The following ATR variants were observed in gnomAD, a reference collection of about 807,000 sequenced individuals.
ATR encodes serine/threonine-protein kinase ATR.
A neutral mutation model predicts 305.3 loss-of-function variants in ATR; 142 were observed. The observed-to-expected ratio is 0.47, with a 90% CI of 0.41 to 0.53. The LOEUF is 0.53. Ranked by LOEUF, ATR falls within the 20% of genes least tolerant of loss-of-function variation. The probability of loss-of-function intolerance (pLI) is 0.00; values close to 1 mark genes in which losing one functional copy is unlikely to be tolerated. For missense variants in ATR, 2,135 were observed against 3,133.1 expected (o/e 0.68, Z 7.60); for synonymous variants, 1,050 against 1,068.1 (o/e 0.98, Z 0.33).
chr3:142,565,358 C>T (rs1017653771), intron 3 of ATR, among the ~76,000 whole-genome samples: 2 of 151,950 alleles, frequency 1.3e-5, no homozygotes, highest in African/African-American at 2.4e-5. Flanking sequence ...ATACTTTATC[C>T]ATTATACAAA....
chr3:142,553,870 C>G lies in ATR; in HGVS notation c.2487G>C (p.Lys829Asn), dbSNP rs1387074605. 1 of 1,613,480 alleles carries G rather than the reference C, an allele frequency of 6.2e-7. No individual in the cohort carries two copies. The highest frequency in any genetic ancestry group is 8.5e-7 in the Non-Finnish European group (1 of 1,179,648). The change falls in exon 11 of 47, where the codon AAG (lysine) becomes AAC (asparagine). Residue 829 changes from lysine to asparagine, a missense_variant. Lys to Asn is a moderately conservative substitution (Grantham distance 94). Around this residue, in one of 9 missense-constraint regions of ATR, gnomAD observed 530 missense variants for 766.8 expected, o/e 0.69. Transcript: ENST00000350721. ...CAGAGTCCAAGGATTCCAATATGTG[C>G]TTGATATTTCCACTAAAAGCCACTC... Reference protein sequence around the residue: ...DVRVAFSGNIKHILESLDSED... With the variant: ...DVRVAFSGNINHILESLDSED...
At chr3:142,491,688 ATCT>A (rs1344317434) in intron 35 of ATR, among the ~76,000 whole-genome samples, 4 of 152,230 alleles carry the variant, frequency 2.6e-5, no homozygotes, top group Non-Finnish European at 5.9e-5. Context: ...GTGGCATGAC[ATCT>A]TCTTGTAACC....
At chr3:142,573,000 G>T (rs2035323972) in intron 1 of ATR, among the ~76,000 whole-genome samples, 1 of 152,150 alleles carries the variant, frequency 6.6e-6, no homozygotes, top group Non-Finnish European at 1.5e-5. Flanking sequence ...ATTTCTCTCT[G>T]CATGTCCTAA....
chr3:142,512,610 C>A, intron 26 of ATR, 140 bp from the exon 27 acceptor site: 1 of 676,548 alleles, frequency 1.5e-6, no homozygotes, highest in Non-Finnish European at 2.2e-6. Context: ...CCTGTAATCC[C>A]AGCACTTTGG....
intron 21 of ATR, among the ~76,000 whole-genome samples, chr3:142,525,523 T>A (rs1473316762): frequency 1.3e-5 from 2 of 152,114 alleles, no homozygotes; most frequent in Non-Finnish European, 2.9e-5. Context: ...ACCTACCCAA[T>A]AATAAGGGAT....
chr3:142,485,911 T>C (rs1204930162), intron 35 of ATR, among the ~76,000 whole-genome samples: 1 of 152,206 alleles, frequency 6.6e-6, no homozygotes, highest in Non-Finnish European at 1.5e-5. Flanking sequence ...GCTCCTTAAA[T>C]CCAAGAGATA....
chr3:142,551,299 C>T (rs144854887), intron 13 of ATR, among the ~76,000 whole-genome samples: 1 of 152,070 alleles, frequency 6.6e-6, no homozygotes, highest in Non-Finnish European at 1.5e-5. Flanking sequence ...TGGTGGTGCA[C>T]ACCTGTAGTC....
intron 35 of ATR, among the ~76,000 whole-genome samples, chr3:142,491,788 T>C (rs1282472637): frequency 6.6e-6 from 1 of 152,228 alleles, no homozygotes; most frequent in Non-Finnish European, 1.5e-5. Flanking sequence ...TGCCATTTGC[T>C]TTGGCTGTTG....
chr3:142,468,377 G>A (rs2071179850), intron 38 of ATR, among the ~76,000 whole-genome samples: 1 of 151,762 alleles, frequency 6.6e-6, no homozygotes, highest in South Asian at 2.1e-4. Context: ...TAACTAAACA[G>A]TTAAATAAGT....
In ATR at chr3:142,482,833, TA is replaced by T. The variant is rs75409897; in HGVS notation, c.6221+2306del. ...AGTGACAGAGTGATACTTTGTCAAT[TA>T]AAAAAAAAAAAAAAGAAGAACTGCC... On this transcript the variant is annotated intron_variant, in intron 36 of 46. Transcript: ENST00000350721. Among the ~76,000 whole-genome samples, 1,048 of 136,778 alleles carry T rather than the reference TA, an allele frequency of 7.7e-3. 1 individual carries two copies. The highest frequency in any genetic ancestry group is 9.0e-3 in the African/African-American group (337 of 37,288). 89.7% of individuals were successfully genotyped at this position (136,778 alleles called of 152,430 possible).
At chr3:142,490,387 T>C (rs1475632513) in intron 35 of ATR, among the ~76,000 whole-genome samples, 1 of 152,178 alleles carries the variant, frequency 6.6e-6, no homozygotes, top group African/African-American at 2.4e-5. Context: ...TACTAAGTTG[T>C]AGGGTTCTCT....
At chr3:142,533,647 A>G (rs997855131) in intron 21 of ATR, among the ~76,000 whole-genome samples, 1 of 152,190 alleles carries the variant, frequency 6.6e-6, no homozygotes, top group Admixed American at 6.5e-5. Flanking sequence ...TGGATCTTCC[A>G]ATCTTCCTTG....
At position 142,553,744 on chromosome 3, in the gene ATR, G is replaced by A. The variant is rs781441873; in HGVS notation, c.2533-4C>T. 6.2e-7 allele frequency: 1 copy of A among 1,611,440 alleles called. No homozygotes were observed. The highest frequency in any genetic ancestry group is 1.3e-5 in the African/African-American group (1 of 74,856). On this transcript the variant is annotated splice_region_variant and splice_polypyrimidine_tract_variant and intron_variant, in intron 11 of 46. Coordinates refer to ENST00000350721, the MANE Select transcript of ATR (RefSeq NM_001184.4). Reference sequence around the variant, plus strand: ...CCTTCATTCTTAAGACAAAAAGCTAGAACAATAAAATTAACTGGTTAAAGA... The same window carrying A: ...CCTTCATTCTTAAGACAAAAAGCTAAAACAATAAAATTAACTGGTTAAAGA...
At position 142,577,317 on chromosome 3, in the gene ATR, G is replaced by C. The variant is rs564946588; in HGVS notation, c.59+1329C>G. ...TCACGGAGGAAGACAGAAGAGGGAAGAGAAGTATTAACCAGTTAATTCTAC... is the reference window on the plus strand; with the variant it reads ...TCACGGAGGAAGACAGAAGAGGGAACAGAAGTATTAACCAGTTAATTCTAC... On this transcript the variant is annotated intron_variant, in intron 1 of 46. Transcript: ENST00000350721. Among the ~76,000 whole-genome samples the C allele has an allele frequency of 6.2e-4, 95 of 152,314 alleles. 1 individual carries two copies. In the South Asian group the frequency reaches 9.5e-3, roughly 15 times the overall value.
intron 16 of ATR, among the ~76,000 whole-genome samples, chr3:142,545,592 TG>T (rs1224608196): frequency 6.6e-6 from 1 of 152,096 alleles, no homozygotes; most frequent in Non-Finnish European, 1.5e-5. Flanking sequence ...GATATGAGTT[TG>T]TAAAAAGAGC....
intron 4 of ATR, 47 bp downstream of exon 4, chr3:142,562,185 T>C: frequency 1.3e-6 from 2 of 1,594,422 alleles, no homozygotes; most frequent in Non-Finnish European, 1.7e-6. Context: ...TACAATTAAA[T>C]GATGAACAAA....
Position 142,550,306 on chromosome 3 carries a change from G to A in ATR, c.2806-4C>T, listed in dbSNP as rs774760806. 1.5e-5 allele frequency: 24 copies of A among 1,613,612 alleles called. No homozygotes were observed. The highest frequency in any genetic ancestry group is 2.0e-5 in the Non-Finnish European group (24 of 1,179,688). ...AGTGAAGGGATTCTACCAAAAACTA[G>A]AGCAAAAACCATTTTATTGTGAGTT... On this transcript the variant is annotated splice_region_variant and splice_polypyrimidine_tract_variant and intron_variant, in intron 13 of 46. Transcript: ENST00000350721.
chr3:142,550,462 T>C (rs1181520115), intron 13 of ATR, among the ~76,000 whole-genome samples, 160 bp from the exon 14 acceptor site: 1 of 152,244 alleles, frequency 6.6e-6, no homozygotes, highest in African/African-American at 2.4e-5. Flanking sequence ...GACTATGTCA[T>C]AATCTGCCTT....
At chr3:142,523,952 G>A (rs1034326721) in intron 22 of ATR, 41 bp downstream of exon 22, 6 of 1,577,384 alleles carry the variant, frequency 3.8e-6, no homozygotes, top group Non-Finnish European at 5.2e-6. Context: ...ACCTCAATAG[G>A]ACAGAGAACT....
Sources: allele counts gnomAD v4.1 joint callset (sites outside exome capture counted in the v4.1 genomes callset), GRCh38; gene constraint gnomAD v4.1.1; regional missense constraint gnomAD v4.1.1; transcripts MANE v1.5; gene names NCBI Gene and HGNC (gene_info 2026-07-23, HGNC 2026-07-21).